Variants in HMGCLL1 observed in about 807,000 individuals in gnomAD.
HMGCLL1 encodes the protein 3-hydroxymethyl-3-methylglutaryl-CoA lyase, cytoplasmic.
A neutral mutation model predicts 39.1 loss-of-function variants in HMGCLL1; 36 were observed. The observed-to-expected ratio is 0.92, with a 90% CI of 0.71 to 1.22. The LOEUF (loss-of-function observed/expected upper bound fraction) is 1.22. Among genes scored for constraint, HMGCLL1 ranks in the 50% most tolerant of loss-of-function variants. HMGCLL1 has a pLI of 0.00. For missense variants in HMGCLL1, 451 were observed against 416.5 expected (o/e 1.08, Z -0.72); for synonymous variants, 149 against 144.0 (o/e 1.03, Z -0.25).
chr6:55,597,141 T>C, the HMGCLL1 span, among the ~76,000 whole-genome samples: 1 of 152,134 alleles, frequency 6.6e-6, no homozygotes, highest in South Asian at 2.1e-4. Flanking sequence ...GGATAAATAA[T>C]GTAAGATCTT....
intron 1 of HMGCLL1, among the ~76,000 whole-genome samples, chr6:55,549,050 A>C (rs1293623210): frequency 6.6e-6 from 1 of 151,626 alleles, no homozygotes; most frequent in East Asian, 1.9e-4. Context: ...ATTTATTTTA[A>C]TAAATAAAAT....
the HMGCLL1 span, among the ~76,000 whole-genome samples, chr6:55,627,905 T>TA: frequency 4.3e-5 from 1 of 23,006 alleles, no homozygotes; most frequent in African/African-American, 2.1e-4. Context: ...ATATAGTATA[T>TA]ATACTATATA....
the HMGCLL1 span, among the ~76,000 whole-genome samples, chr6:55,648,505 T>C: frequency 2.3e-5 from 2 of 85,666 alleles, no homozygotes; most frequent in Non-Finnish European, 4.5e-5. Context: ...AAGAATCAAA[T>C]AGACACAATA....
rs561746097 is a variant in HMGCLL1, at chr6:55,465,151, C to T, written c.796-25592G>A. Among the ~76,000 whole-genome samples the T allele has an allele frequency of 1.9e-4, 29 of 152,270 alleles. No individual in the cohort carries two copies. In the South Asian group the frequency reaches 6.0e-3, roughly 32 times the overall value. Reference sequence around the variant, plus strand: ...TTTTAATATGTATTTGGTTTAAACACATACCTGGTTTCTCCTAGTACTTTA... The same window carrying T: ...TTTTAATATGTATTTGGTTTAAACATATACCTGGTTTCTCCTAGTACTTTA... On this transcript the variant is annotated intron_variant, in intron 7 of 8. Transcript: ENST00000274901.
At chr6:55,666,547 T>C in the HMGCLL1 span, among the ~76,000 whole-genome samples, 4 of 151,774 alleles carry the variant, frequency 2.6e-5, no homozygotes, top group African/African-American at 4.8e-5. Context: ...TTAGAGTTTT[T>C]ATTTTTTTAT....
At position 55,457,724 on chromosome 6, in the gene HMGCLL1, A is replaced by G. The variant is rs76640607; in HGVS notation, c.796-18165T>C. On this transcript the variant is annotated intron_variant, in intron 7 of 8. Transcript: ENST00000274901. ...CTCTGTGTGTTGGCTTTATTCTTTC[A>G]AGTCGGCTATATCAAAAGTCACAGA... Among the ~76,000 whole-genome samples the G allele has an allele frequency of 4.0e-4, 60 of 151,894 alleles. No individual in the cohort carries two copies. The East Asian group carries it at 0.01, about 26-fold the overall frequency.
In HMGCLL1 at chr6:55,477,469, AAT is replaced by A. The variant is rs1294005403; in HGVS notation, c.795+17948_795+17949del. 3.7e-4 allele frequency among the ~76,000 whole-genome samples: 34 copies of A among 92,308 alleles called. 1 individual carries two copies. The highest frequency in any genetic ancestry group is 4.1e-4 in the African/African-American group (9 of 22,082). The allele number at this position is 92,308 out of a possible 152,430, so 60.6% of individuals were successfully genotyped here. A position where few individuals can be genotyped will look rare whatever the true frequency, so the allele number is the denominator to read the frequency against. On this transcript the variant is annotated intron_variant, in intron 7 of 8. Transcript: ENST00000274901. ...ATATAATATATTACATATAATATAT[AAT>A]ATATATATTATATTACATATACATA...
chr6:55,492,152 G>T (rs1019009332), intron 7 of HMGCLL1, among the ~76,000 whole-genome samples: 6 of 152,124 alleles, frequency 3.9e-5, no homozygotes, highest in African/African-American at 1.4e-4. Context: ...TAAAGCAAAT[G>T]ATATCTAGTC....
intron 1 of HMGCLL1, among the ~76,000 whole-genome samples, chr6:55,562,123 G>A (rs1436383400): frequency 6.6e-6 from 1 of 152,080 alleles, no homozygotes; most frequent in African/African-American, 2.4e-5. Context: ...TTTTAGATGA[G>A]GAACCCAAAT....
At chr6:55,620,045 A>G in the HMGCLL1 span, among the ~76,000 whole-genome samples, 1 of 152,084 alleles carries the variant, frequency 6.6e-6, no homozygotes, top group Non-Finnish European at 1.5e-5. Context: ...AGAGTACTCC[A>G]TTGTGTATAA....
chr6:55,566,645 T>A (rs998869826), intron 1 of HMGCLL1: 2 of 455,998 alleles, frequency 4.4e-6, no homozygotes, highest in Non-Finnish European at 8.8e-6. Flanking sequence ...AATAGAGTCA[T>A]GTGAACATGC....
chr6:55,658,220 T>A, the HMGCLL1 span, among the ~76,000 whole-genome samples: 1 of 152,038 alleles, frequency 6.6e-6, no homozygotes, highest in Non-Finnish European at 1.5e-5. Context: ...CTGGACTTAA[T>A]CTTCTCTTTT....
the HMGCLL1 span, among the ~76,000 whole-genome samples, chr6:55,596,977 GA>G: frequency 6.6e-6 from 1 of 151,940 alleles, no homozygotes; most frequent in Non-Finnish European, 1.5e-5. Context: ...CCATGTAAAT[GA>G]AAAATATATT....
intron 7 of HMGCLL1, among the ~76,000 whole-genome samples, chr6:55,473,228 T>C (rs1561901304): frequency 2.0e-5 from 3 of 151,556 alleles, no homozygotes; most frequent in Admixed American, 6.6e-5. Context: ...ATTTAGACCA[T>C]TCACATTTGA....
chr6:55,440,288 C>A (rs1763539125), intron 7 of HMGCLL1, among the ~76,000 whole-genome samples: 1 of 152,124 alleles, frequency 6.6e-6, no homozygotes, highest in Non-Finnish European at 1.5e-5. Context: ...CCCCAGTTCT[C>A]AGAAAGAAAA....
At chr6:55,544,302 G>A (rs1004191484) in intron 1 of HMGCLL1, among the ~76,000 whole-genome samples, 11 of 151,972 alleles carry the variant, frequency 7.2e-5, no homozygotes, top group East Asian at 3.9e-4. Context: ...ATTTAAAATC[G>A]GGGGAAAACG....
chr6:55,671,129 C>T, the HMGCLL1 span, among the ~76,000 whole-genome samples: 13 of 151,728 alleles, frequency 8.6e-5, no homozygotes, highest in African/African-American at 3.1e-4. Flanking sequence ...GACCTTTTGC[C>T]TTTGTATAAT....
the HMGCLL1 span, among the ~76,000 whole-genome samples, chr6:55,587,763 G>A: frequency 2.0e-5 from 3 of 152,040 alleles, no homozygotes; most frequent in African/African-American, 7.2e-5. Flanking sequence ...CCTAGTCTCT[G>A]ACTAAACAGA....
At chr6:55,438,155 T>C (rs139217982) in intron 8 of HMGCLL1, among the ~76,000 whole-genome samples, 1 of 152,224 alleles carries the variant, frequency 6.6e-6, no homozygotes, top group Non-Finnish European at 1.5e-5. Context: ...AGAAAGGAGC[T>C]ATTTACCCTC....
Sources: gnomAD v4.1 joint callset for allele counts (sites outside exome capture counted in the v4.1 genomes callset) on GRCh38, gnomAD v4.1.1 for gene constraint, MANE v1.5 for transcripts, NCBI Gene and HGNC (gene_info 2026-07-23, HGNC 2026-07-21) for gene names.